The following INPP4B variants were observed in gnomAD, a reference collection of about 807,000 sequenced individuals.
The protein encoded by INPP4B is inositol polyphosphate 4-phosphatase type II.
In INPP4B, 55 loss-of-function variants were observed where a neutral mutation model predicts 122.5. The ratio of observed to expected loss-of-function variants is 0.45; its 90% CI spans 0.36 to 0.56. INPP4B has a LOEUF of 0.56. INPP4B is among the 20% of genes least tolerant of loss of function. The pLI, the probability that INPP4B is intolerant of heterozygous loss-of-function variation, is 0.00. For missense variants in INPP4B, 1,000 were observed against 1,097.7 expected, an observed-to-expected ratio of 0.91 and a Z score of 1.26; for synonymous variants, 403 against 388.7, an observed-to-expected ratio of 1.04 and a Z score of -0.43.
intron 10 of INPP4B, among the ~76,000 whole-genome samples, chr4:142,266,410 A>G (rs1057029559): frequency 6.6e-6 from 1 of 152,314 alleles, no homozygotes; most frequent in African/African-American, 2.4e-5. Flanking sequence ...GGTTTAGGGT[A>G]GCAGAGAAGA....
chr4:142,549,347 T>C (rs920305695), intron 2 of INPP4B, among the ~76,000 whole-genome samples: 1 of 152,106 alleles, frequency 6.6e-6, no homozygotes, highest in Non-Finnish European at 1.5e-5. Flanking sequence ...CGGGAGCCCA[T>C]GACCATCAGA....
intron 2 of INPP4B, among the ~76,000 whole-genome samples, chr4:142,679,941 G>C (rs1462320103): frequency 6.6e-6 from 1 of 151,652 alleles, no homozygotes; most frequent in Non-Finnish European, 1.5e-5. Context: ...CTAGACATTA[G>C]AGACTTAAGC....
chr4:142,788,609 C>T (rs1487216214), intron 1 of INPP4B, among the ~76,000 whole-genome samples: 1 of 151,942 alleles, frequency 6.6e-6, no homozygotes, highest in Non-Finnish European at 1.5e-5. Context: ...GTCTTTTATC[C>T]CCCACCCCTG....
At chr4:142,106,918 TGTAA>T (rs1351711649) in intron 23 of INPP4B, among the ~76,000 whole-genome samples, 1 of 152,170 alleles carries the variant, frequency 6.6e-6, no homozygotes, top group Admixed American at 6.5e-5. Flanking sequence ...TTTTCCAAAT[TGTAA>T]GTAATTTGTT....
chr4:142,578,874 T>C (rs544251866), intron 2 of INPP4B, among the ~76,000 whole-genome samples: 2 of 152,122 alleles, frequency 1.3e-5, no homozygotes, highest in Admixed American at 1.3e-4. Context: ...ATCTATTACA[T>C]TTTCATGTAA....
intron 25 of INPP4B, chr4:142,029,709 T>C: frequency 1.0e-6 from 1 of 989,536 alleles, no homozygotes; most frequent in Non-Finnish European, 1.2e-6. Context: ...ATCTATGATA[T>C]TAGCACAGTG....
chr4:142,270,323 A>G (rs1745130663), intron 10 of INPP4B, among the ~76,000 whole-genome samples: 1 of 152,236 alleles, frequency 6.6e-6, no homozygotes, highest in Admixed American at 6.5e-5. Context: ...GGCAATAGCC[A>G]TCCCAGAATC....
At chr4:142,804,769 T>G (rs1423992393) in intron 1 of INPP4B, among the ~76,000 whole-genome samples, 1 of 152,264 alleles carries the variant, frequency 6.6e-6, no homozygotes. Context: ...CTGGCTCAGG[T>G]GATCCTTCCA....
intron 11 of INPP4B, among the ~76,000 whole-genome samples, chr4:142,244,408 T>C (rs1726809834): frequency 6.7e-6 from 1 of 148,510 alleles, no homozygotes; most frequent in African/African-American, 2.5e-5. Flanking sequence ...CACGTCATTC[T>C]CCTGCCTCAG....
At chr4:142,609,766 C>T (rs1255176512) in intron 2 of INPP4B, among the ~76,000 whole-genome samples, 1 of 152,166 alleles carries the variant, frequency 6.6e-6, no homozygotes, top group African/African-American at 2.4e-5. Context: ...AATAGGAAAA[C>T]TGTTTCTTGA....
intron 2 of INPP4B, among the ~76,000 whole-genome samples, chr4:142,476,612 T>G (rs1435767436): frequency 6.6e-6 from 1 of 152,164 alleles, no homozygotes; most frequent in Non-Finnish European, 1.5e-5. Context: ...AGAAAAGGGA[T>G]GGAGAAATAT....
At chr4:142,318,726 T>C (rs80142100) in intron 7 of INPP4B, among the ~76,000 whole-genome samples, 2,999 of 152,294 alleles carry the variant, frequency 0.02, 38 homozygotes, top group Non-Finnish European at 0.032. Context: ...TTAAGGTTCA[T>C]CTAAAATAAA....
At chr4:142,799,278 T>C (rs991368765) in intron 1 of INPP4B, among the ~76,000 whole-genome samples, 1 of 151,914 alleles carries the variant, frequency 6.6e-6, no homozygotes, top group Admixed American at 6.6e-5. Flanking sequence ...GGTCTCAATA[T>C]ATTTTGAATA....
chr4:142,329,579 G>C (rs72941148), intron 7 of INPP4B, among the ~76,000 whole-genome samples: 3,117 of 152,194 alleles, frequency 0.02, 104 homozygotes, highest in African/African-American at 0.071. Context: ...GAAATTAGGA[G>C]CCATTTACAA....
intron 2 of INPP4B, among the ~76,000 whole-genome samples, chr4:142,569,881 T>G (rs542426887): frequency 6.6e-6 from 1 of 151,842 alleles, no homozygotes; most frequent in South Asian, 2.1e-4. Context: ...AAATGCCACC[T>G]CTCATACATA....
rs115590593 is a variant in INPP4B at position 142,290,907 on chromosome 4, A to C, written c.503+14551T>G. Among the ~76,000 whole-genome samples the C allele has an allele frequency of 4.6e-3, 698 of 152,276 alleles. 6 individuals are homozygous for C. The highest frequency in any genetic ancestry group is 0.016 in the African/African-American group (659 of 41,558). ...ACTCAAGTTGATGATGAGGATAGGA[A>C]TGATGACCAATATTTATTGGCAGCT... is the stretch of plus-strand genomic sequence containing the variant. On this transcript the variant is annotated intron_variant, in intron 9 of 25. Transcript: ENST00000262992.
intron 2 of INPP4B, among the ~76,000 whole-genome samples, chr4:142,539,371 A>G (rs1400477249): frequency 6.6e-6 from 1 of 151,982 alleles, no homozygotes; most frequent in Non-Finnish European, 1.5e-5. Context: ...CAACCAACCC[A>G]TCAATTAGGT....
chr4:142,715,558 C>CA, intron 2 of INPP4B, among the ~76,000 whole-genome samples: 1 of 151,702 alleles, frequency 6.6e-6, no homozygotes, highest in Admixed American at 6.6e-5. Context: ...ATGCTGAATA[C>CA]AAAATGTCTA....
At chr4:142,592,891 A>T (rs2039387536) in intron 2 of INPP4B, among the ~76,000 whole-genome samples, 1 of 152,112 alleles carries the variant, frequency 6.6e-6, no homozygotes, top group African/African-American at 2.4e-5. Context: ...GCTTGAGGTC[A>T]GGAGTTCAAG....
Sources: gnomAD v4.1 joint callset for allele counts (sites outside exome capture counted in the v4.1 genomes callset) on GRCh38, gnomAD v4.1.1 for gene constraint, MANE v1.5 for transcripts, NCBI Gene and HGNC (gene_info 2026-07-23, HGNC 2026-07-21) for gene names.